PCDH7: variants seen among roughly 807,000 people sequenced by gnomAD.
The protein encoded by PCDH7 is protocadherin 7.
A neutral mutation model predicts 58.9 loss-of-function variants in PCDH7; 17 were observed. The ratio of observed to expected loss-of-function variants is 0.29; its 90% CI spans 0.20 to 0.43. The LOEUF (loss-of-function observed/expected upper bound fraction) is 0.43. Among genes scored for constraint, PCDH7 ranks in the 20% least tolerant of loss-of-function variants. The probability of loss-of-function intolerance (pLI) is 1.00; values close to 1 mark genes in which losing one functional copy is unlikely to be tolerated. For missense variants in PCDH7, 1,274 were observed against 1,441.0 expected, an observed-to-expected ratio of 0.88 and a Z score of 1.88; for synonymous variants, 664 against 616.4, an observed-to-expected ratio of 1.08 and a Z score of -1.14.
At chr4:31,084,066 C>G (rs1306046817) in intron 3 of PCDH7, among the ~76,000 whole-genome samples, 1 of 152,088 alleles carries the variant, frequency 6.6e-6, no homozygotes, top group African/African-American at 2.4e-5. Flanking sequence ...ACCTATTATT[C>G]AGTAATTAAA....
At chr4:30,999,837 T>C (rs1235433886) in intron 3 of PCDH7, among the ~76,000 whole-genome samples, 1 of 152,132 alleles carries the variant, frequency 6.6e-6, no homozygotes, top group African/African-American at 2.4e-5. Flanking sequence ...TTGATGTATT[T>C]TAAAGCACCT....
At chr4:30,731,203 C>G (rs1414402200) in exon 2 of PCDH7, 21 of 942,712 alleles carry the variant, frequency 2.2e-5, no homozygotes, top group Non-Finnish European at 2.5e-5. Flanking sequence ...GAATAAAAAT[C>G]TAAATTGATC....
At chr4:30,739,801 T>G (rs1218851953) in intron 1 of PCDH7, among the ~76,000 whole-genome samples, 4 of 152,154 alleles carry the variant, frequency 2.6e-5, no homozygotes, top group African/African-American at 4.8e-5. Context: ...TATATGCCAA[T>G]TATGCTTAAG....
At chr4:30,951,287 AT>A (rs2109448058) in intron 3 of PCDH7, among the ~76,000 whole-genome samples, 1 of 152,154 alleles carries the variant, frequency 6.6e-6, no homozygotes, top group Non-Finnish European at 1.5e-5. Flanking sequence ...ATCATATTCC[AT>A]TTTTCTACTG....
intron 3 of PCDH7, among the ~76,000 whole-genome samples, chr4:30,969,894 T>C (rs1641510135): frequency 6.6e-6 from 1 of 152,220 alleles, no homozygotes; most frequent in African/African-American, 2.4e-5. Flanking sequence ...TCTCTTTCCA[T>C]AGATAGATTT....
chr4:30,852,625 A>G (rs1176176505), intron 1 of PCDH7, among the ~76,000 whole-genome samples: 1 of 151,990 alleles, frequency 6.6e-6, no homozygotes, highest in Non-Finnish European at 1.5e-5. Flanking sequence ...TCCTTCTGAA[A>G]AATCCCTGAA....
intron 3 of PCDH7, among the ~76,000 whole-genome samples, chr4:30,972,962 T>C (rs533229836): frequency 6.6e-6 from 1 of 152,336 alleles, no homozygotes; most frequent in African/African-American, 2.4e-5. Context: ...GAACACTTCC[T>C]AGATGAGGAA....
At chr4:30,770,800 A>C (rs1721302507) in intron 1 of PCDH7, among the ~76,000 whole-genome samples, 2 of 152,216 alleles carry the variant, frequency 1.3e-5, no homozygotes, top group African/African-American at 4.8e-5. Context: ...GAAGTTACAC[A>C]AGAACCACAT....
chr4:31,116,687 AAAAG>A (rs1447792062), intron 3 of PCDH7, among the ~76,000 whole-genome samples: 2 of 152,352 alleles, frequency 1.3e-5, no homozygotes, highest in East Asian at 3.9e-4. Context: ...ATAAAAAGGG[AAAAG>A]AAAGAATTAA....
At chr4:30,874,719 G>GAA (rs66970476) in intron 1 of PCDH7, among the ~76,000 whole-genome samples, 1 of 133,094 alleles carries the variant, frequency 7.5e-6, no homozygotes, top group Non-Finnish European at 1.6e-5. Flanking sequence ...TAGTGAAATT[G>GAA]AAAAAAAAAA....
chr4:30,839,940 A>G (rs73106105), intron 1 of PCDH7, among the ~76,000 whole-genome samples: 2,247 of 152,074 alleles, frequency 0.015, 49 homozygotes, highest in African/African-American at 0.048. Context: ...TACTTTTTCC[A>G]TTGCCAAAGC....
intron 1 of PCDH7, among the ~76,000 whole-genome samples, chr4:30,910,511 C>G (rs190223966): frequency 1.3e-5 from 2 of 151,694 alleles, no homozygotes; most frequent in East Asian, 3.9e-4. Flanking sequence ...AGGATATGGA[C>G]AGCCAAAAGA....
chr4:30,825,155 A>G (rs1728938631), intron 1 of PCDH7, among the ~76,000 whole-genome samples: 2 of 152,128 alleles, frequency 1.3e-5, no homozygotes. Flanking sequence ...ATTAGACACT[A>G]GGTAATATGA....
At chr4:30,744,782 C>G (rs915208716) in intron 1 of PCDH7, among the ~76,000 whole-genome samples, 1 of 152,196 alleles carries the variant, frequency 6.6e-6, no homozygotes, top group Admixed American at 6.5e-5. Flanking sequence ...TCTTCACATT[C>G]CTCCTTTACA....
intron 1 of PCDH7, among the ~76,000 whole-genome samples, chr4:30,864,469 A>T (rs1015305524): frequency 2.1e-5 from 3 of 144,996 alleles, no homozygotes; most frequent in East Asian, 4.2e-4. Context: ...ACACACACAC[A>T]TTTTTTGTTG....
intron 1 of PCDH7, among the ~76,000 whole-genome samples, chr4:30,904,493 T>G (rs1289979961): frequency 6.6e-6 from 1 of 152,146 alleles, no homozygotes; most frequent in Non-Finnish European, 1.5e-5. Context: ...AATTTACCCA[T>G]TTTAAAGTCA....
intron 3 of PCDH7, among the ~76,000 whole-genome samples, chr4:30,979,116 G>T (rs1750326168): frequency 6.6e-6 from 1 of 151,974 alleles, no homozygotes; most frequent in Admixed American, 6.6e-5. Context: ...CACGAGGTCA[G>T]GAGATCGAGA....
At chr4:30,740,405 C>G (rs1716903653) in intron 1 of PCDH7, among the ~76,000 whole-genome samples, 1 of 152,136 alleles carries the variant, frequency 6.6e-6, no homozygotes, top group East Asian at 1.9e-4. Context: ...GCATATTAGA[C>G]CAGTTTTATC....
intron 3 of PCDH7, among the ~76,000 whole-genome samples, chr4:31,014,504 A>C (rs931554133): frequency 2.6e-5 from 4 of 152,190 alleles, no homozygotes; most frequent in African/African-American, 9.6e-5. Flanking sequence ...ACAGGACTGG[A>C]CTGAACTGAG....
Sources: allele counts gnomAD v4.1 joint callset (sites outside exome capture counted in the v4.1 genomes callset), GRCh38; gene constraint gnomAD v4.1.1; transcripts MANE v1.5; gene names NCBI Gene and HGNC (gene_info 2026-07-23, HGNC 2026-07-21).